FTO: variants seen among roughly 807,000 people sequenced by gnomAD.
FTO encodes the protein alpha-ketoglutarate-dependent dioxygenase FTO.
A neutral mutation model predicts 63.9 loss-of-function variants in FTO; 47 were observed. The ratio of observed to expected loss-of-function variants is 0.74; its 90% confidence interval spans 0.58 to 0.94. The LOEUF (loss-of-function observed/expected upper bound fraction) is 0.94, where lower values mean the gene tolerates loss of function less well. Ranked by LOEUF, FTO falls within the 40% of genes least tolerant of loss-of-function variation. The pLI, the probability that FTO is intolerant of heterozygous loss-of-function variation, is 0.00. For missense variants in FTO, 562 were observed against 618.1 expected (o/e 0.91, Z 0.96); for synonymous variants, 207 against 224.4 (o/e 0.92, Z 0.69).
intron 1 of FTO, among the ~76,000 whole-genome samples, chr16:53,740,355 C>T (rs1446142868): frequency 4.6e-5 from 7 of 152,264 alleles, no homozygotes; most frequent in Middle Eastern, 3.4e-3. Context: ...AAAAATTTTA[C>T]GTATATTTTG....
intron 4 of FTO, among the ~76,000 whole-genome samples, chr16:53,870,452 C>G (rs935754310): frequency 4.6e-5 from 7 of 152,196 alleles, no homozygotes; most frequent in African/African-American, 1.7e-4. Flanking sequence ...TATCCTGGAA[C>G]TGGTTCCCAT....
chr16:53,817,072 G>A (rs1378352642), intron 2 of FTO, among the ~76,000 whole-genome samples: 3 of 152,344 alleles, frequency 2.0e-5, no homozygotes, highest in Non-Finnish European at 4.4e-5. Flanking sequence ...ATTATGAGAT[G>A]CTGTCAAATA....
At chr16:54,033,963 T>C (rs2084887573) in intron 8 of FTO, 1 of 152,268 alleles carries the variant, frequency 6.6e-6, no homozygotes, top group Non-Finnish European at 1.5e-5. Context: ...GTCTGACTTA[T>C]GATGTGTTCC....
rs146281013 is a variant in FTO at position 53,916,389 on chromosome 16, C to T, written c.1240-17596C>T. On this transcript the variant is annotated intron_variant, in intron 7 of 8. Transcript: ENST00000471389. ...AATCGTTTCTTTTATTCTAAATCAC[C>T]GTTGGAATGATATAAGAAAATGAAT... Among the ~76,000 whole-genome samples, 26 of 151,896 alleles carry T rather than the reference C, an allele frequency of 1.7e-4. 1 individual carries two copies. In the Middle Eastern group the frequency reaches 0.014, roughly 79 times the overall value.
chr16:53,957,405 C>T (rs1043326828), intron 8 of FTO, among the ~76,000 whole-genome samples: 2 of 152,190 alleles, frequency 1.3e-5, no homozygotes, highest in Admixed American at 6.5e-5. Flanking sequence ...TGAATTTCTT[C>T]ATGGTTCATT....
At chr16:54,062,739 T>C (rs953525124) in intron 8 of FTO, among the ~76,000 whole-genome samples, 2 of 152,150 alleles carry the variant, frequency 1.3e-5, no homozygotes, top group East Asian at 1.9e-4. Context: ...GGGGACAGTT[T>C]TGTCACCCTG....
rs201576373 is a variant in FTO, at chr16:53,909,586, CAG to C, written c.1239+20638_1239+20639del. 3.0e-3 allele frequency among the ~76,000 whole-genome samples: 323 copies of C among 107,186 alleles called. 2 individuals are homozygous for C. Among genetic ancestry groups the C allele is most frequent in the African/African-American group, 0.012 (313 of 26,318 alleles). The allele number at this position is 107,186 out of a possible 152,430, so 70.3% of individuals were successfully genotyped here. A position where few individuals can be genotyped will look rare whatever the true frequency, so the allele number is the denominator to read the frequency against. On this transcript the variant is annotated intron_variant, in intron 7 of 8. Coordinates refer to ENST00000471389, the MANE Select transcript of FTO (RefSeq NM_001080432.3). ...TTGAGACAGAGCCTTTTTTTTGAGA[CAG>C]AGTCTCACTCTGTCACCCAGGCTGG...
chr16:53,964,852 A>T (rs2083161165), intron 8 of FTO, among the ~76,000 whole-genome samples: 1 of 152,236 alleles, frequency 6.6e-6, no homozygotes, highest in South Asian at 2.1e-4. Context: ...ATAAAATAGT[A>T]TGAAGATTTC....
intron 5 of FTO, among the ~76,000 whole-genome samples, chr16:53,878,541 A>T (rs1384374171): frequency 1.3e-5 from 2 of 152,216 alleles, no homozygotes; most frequent in Non-Finnish European, 1.5e-5. Flanking sequence ...TAAATGTGCA[A>T]GGAAATTTTA....
chr16:53,992,110 G>T (rs1373084679), intron 8 of FTO: 1 of 151,938 alleles, frequency 6.6e-6, no homozygotes. Context: ...GACTCTTCTT[G>T]TTTTCTGTCC....
At chr16:53,900,172 CCTT>C (rs2081365766) in intron 7 of FTO, among the ~76,000 whole-genome samples, 2 of 152,094 alleles carry the variant, frequency 1.3e-5, no homozygotes, top group South Asian at 4.2e-4. Flanking sequence ...CACAGGGTGG[CCTT>C]CTGGGATTCT....
chr16:54,037,883 G>A (rs1275046262), intron 8 of FTO, among the ~76,000 whole-genome samples: 18 of 152,136 alleles, frequency 1.2e-4, no homozygotes, highest in African/African-American at 3.6e-4. Context: ...GTAGTATTAC[G>A]TGTAACTTTA....
At chr16:53,864,778 T>C (rs2080262720) in intron 4 of FTO, among the ~76,000 whole-genome samples, 1 of 152,202 alleles carries the variant, frequency 6.6e-6, no homozygotes, top group Admixed American at 6.5e-5. Context: ...AAGTATATCC[T>C]TTGAGATGCA....
chr16:53,899,386 A>T (rs1227424179), intron 7 of FTO, among the ~76,000 whole-genome samples: 2 of 152,184 alleles, frequency 1.3e-5, no homozygotes, highest in Middle Eastern at 3.2e-3. Context: ...TTGTCACAAA[A>T]TTAAATGACT....
intron 1 of FTO, among the ~76,000 whole-genome samples, chr16:53,716,505 G>A (rs1201637001): frequency 6.6e-6 from 1 of 152,068 alleles, no homozygotes; most frequent in Non-Finnish European, 1.5e-5. Context: ...ATCTTCATCT[G>A]TAAAATGGGG....
intron 8 of FTO, among the ~76,000 whole-genome samples, chr16:54,056,856 G>A (rs966286285): frequency 5.3e-5 from 8 of 152,290 alleles, no homozygotes; most frequent in Middle Eastern, 3.4e-3. Context: ...GTTCATTTTT[G>A]GAGGTAATTT....
chr16:53,713,786 G>A (rs2075831294), intron 1 of FTO, among the ~76,000 whole-genome samples: 1 of 152,156 alleles, frequency 6.6e-6, no homozygotes, highest in Admixed American at 6.6e-5. Context: ...GTACAATAAA[G>A]TATTGTAAAC....
intron 8 of FTO, chr16:54,013,315 C>A (rs1432242443): frequency 1.3e-5 from 2 of 149,902 alleles, no homozygotes; most frequent in Non-Finnish European, 2.9e-5. Flanking sequence ...CATGATCAAA[C>A]TTAACAGATA....
At chr16:54,023,971 T>C (rs1400801463) in intron 8 of FTO, among the ~76,000 whole-genome samples, 1 of 152,224 alleles carries the variant, frequency 6.6e-6, no homozygotes, top group African/African-American at 2.4e-5. Flanking sequence ...AATTTTATAA[T>C]TATGCATTTT....
Sources: gnomAD v4.1 joint callset for allele counts (sites outside exome capture counted in the v4.1 genomes callset) on GRCh38, gnomAD v4.1.1 for gene constraint, MANE v1.5 for transcripts, NCBI Gene and HGNC (gene_info 2026-07-23, HGNC 2026-07-21) for gene names.